TRIM27: variants seen among roughly 807,000 people sequenced by gnomAD.
The protein encoded by TRIM27 is tripartite motif containing 27.
A neutral mutation model predicts 57.6 loss-of-function variants in TRIM27; 12 were observed. That is an observed-to-expected ratio of 0.21 (90% CI 0.13 to 0.34). The LOEUF is 0.34. TRIM27 is among the 10% of genes least tolerant of loss of function. The pLI is 1.00. For missense variants in TRIM27, 403 were observed against 656.8 expected (o/e 0.61, Z 4.22); for synonymous variants, 266 against 259.0 (o/e 1.03, Z -0.26).
In TRIM27 at chr6:28,911,680, A is replaced by G; in HGVS notation, c.770+16T>C. Reference sequence around the variant, plus strand: ...TCTCATATTTGATTTAACACTAGGGAAACAGAAAACTATACCTGCTCAATG... The same window carrying G: ...TCTCATATTTGATTTAACACTAGGGGAACAGAAAACTATACCTGCTCAATG... On this transcript the variant is annotated intron_variant, in intron 4 of 7. Transcript: ENST00000377199. 6.2e-7 allele frequency: 1 copy of G among 1,610,720 alleles called. No homozygotes were observed. The highest frequency in any genetic ancestry group is 2.2e-5 in the East Asian group (1 of 44,836).
intron 1 of TRIM27, among the ~76,000 whole-genome samples, chr6:28,922,949 G>A (rs1178413626): frequency 6.6e-6 from 1 of 152,164 alleles, no homozygotes; most frequent in Admixed American, 6.5e-5. Context: ...GGATGTCTCC[G>A]TGTACAATGT....
intron 3 of TRIM27, among the ~76,000 whole-genome samples, chr6:28,912,038 G>C (rs888652442): frequency 6.6e-6 from 1 of 151,652 alleles, no homozygotes; most frequent in Non-Finnish European, 1.5e-5. Context: ...TGTCCAGCTT[G>C]CTTTCTTTTT....
At chr6:28,923,160 T>C in intron 1 of TRIM27, 53 bp downstream of exon 1, 1 of 1,480,244 alleles carries the variant, frequency 6.8e-7, no homozygotes, top group South Asian at 1.3e-5. Context: ...CCTTTGGCTC[T>C]CTCCTCCCTT....
intron 1 of TRIM27, among the ~76,000 whole-genome samples, 192 bp from the exon 2 acceptor site, chr6:28,922,179 T>A (rs1774095645): frequency 1.3e-5 from 2 of 152,170 alleles, no homozygotes; most frequent in African/African-American, 4.8e-5. Context: ...GCAATCTGTG[T>A]CTATCTTAGC....
intron 3 of TRIM27, among the ~76,000 whole-genome samples, chr6:28,919,268 C>G (rs979403127): frequency 2.0e-5 from 3 of 152,144 alleles, no homozygotes; most frequent in Admixed American, 6.5e-5. Flanking sequence ...CCTCGGCCCC[C>G]CAAAGTGCTG....
rs372330640 is a variant in TRIM27 at position 28,922,601 on chromosome 6, A to G, written c.420+612T>C. ...TTGAAGGTCACCTTACAACTGTTTT[A>G]TATGTAATACTTTGTTTCCACGTTT... On this transcript the variant is annotated intron_variant, in intron 1 of 7. Coordinates refer to ENST00000377199, the MANE Select transcript of TRIM27 (RefSeq NM_006510.5). Among the ~76,000 whole-genome samples, 19 of 152,340 alleles carry G rather than the reference A, an allele frequency of 1.2e-4. 1 individual carries two copies. The highest frequency in any genetic ancestry group is 4.3e-4 in the African/African-American group (18 of 41,592).
chr6:28,909,915 G>C (rs950282636), intron 4 of TRIM27, among the ~76,000 whole-genome samples: 1 of 152,094 alleles, frequency 6.6e-6, no homozygotes, highest in Admixed American at 6.6e-5. Flanking sequence ...ATGTGACCTT[G>C]TGACTAAGTT....
chr6:28,910,123 G>GC (rs71548401), intron 4 of TRIM27, among the ~76,000 whole-genome samples: 1 of 97,622 alleles, frequency 1.0e-5, no homozygotes. Flanking sequence ...AAAGAAAAAT[G>GC]AAAAAAAAAA....
In TRIM27 at chr6:28,903,978, C is replaced by A. The variant is rs1772578766; in HGVS notation, c.*92G>T. ...AAGGGCGTGGAACATGGTAAGGATA[C>A]CCAGCTGTGACAGGACGTGGCAAGG... On this transcript the variant is annotated 3_prime_UTR_variant, in exon 8 of 8. Transcript: ENST00000377199. 9.8e-7 allele frequency: 1 copy of A among 1,019,728 alleles called. No individual in the cohort carries two copies. The highest frequency in any genetic ancestry group is 2.4e-5 in the East Asian group (1 of 42,008). 63.2% of individuals were successfully genotyped at this position (1,019,728 alleles called of 1,614,324 possible).
At chr6:28,913,435 C>T (rs1052110296) in intron 3 of TRIM27, among the ~76,000 whole-genome samples, 1 of 151,704 alleles carries the variant, frequency 6.6e-6, no homozygotes, top group Non-Finnish European at 1.5e-5. Context: ...TCTCATCTCT[C>T]CTCCCTCTAC....
chr6:28,920,188 G>A lies in TRIM27; in HGVS notation c.571C>T (p.His191Tyr). The A allele has an allele frequency of 2.5e-6, 4 of 1,613,772 alleles. No individual in the cohort carries two copies. The highest frequency in any genetic ancestry group is 3.4e-6 in the Non-Finnish European group (4 of 1,179,714). The change falls in exon 3 of 8, where the codon CAC (histidine) becomes TAC (tyrosine). Residue 191 changes from histidine to tyrosine, a missense_variant. By Grantham distance (83) the His-to-Tyr change is moderately conservative. Transcript: ENST00000377199. ...KIVWEFEQLY[H>Y]SLKEHEYRLL... ...CGATACTCATGCTCCTTTAAGGAGT[G>A]ATACAGCTGCTCAAACTCCCAAACA...
chr6:28,907,300 G>A, intron 6 of TRIM27, 38 bp from the exon 7 acceptor site: 1 of 1,601,604 alleles, frequency 6.2e-7, no homozygotes, highest in Non-Finnish European at 8.5e-7. Context: ...GAAGTCATGA[G>A]GGTTTCCAGG....
chr6:28,911,393 C>T (rs1562159492), intron 4 of TRIM27: 1 of 330,974 alleles, frequency 3.0e-6, no homozygotes, highest in Non-Finnish European at 5.4e-6. Flanking sequence ...GTATAGGAAG[C>T]AATAGACATA....
intron 3 of TRIM27, among the ~76,000 whole-genome samples, chr6:28,914,619 G>T (rs1446771417): frequency 6.7e-6 from 1 of 148,720 alleles, no homozygotes; most frequent in Non-Finnish European, 1.5e-5. Flanking sequence ...TTACTTAATG[G>T]GTACAACGTA....
intron 3 of TRIM27, among the ~76,000 whole-genome samples, chr6:28,912,970 A>C (rs1427046619): frequency 2.0e-5 from 3 of 151,806 alleles, no homozygotes; most frequent in Admixed American, 2.0e-4. Context: ...TGGACTATAA[A>C]ATAGGCCAGG....
At chr6:28,919,652 G>C (rs1222503452) in intron 3 of TRIM27, among the ~76,000 whole-genome samples, 1 of 152,180 alleles carries the variant, frequency 6.6e-6, no homozygotes, top group Non-Finnish European at 1.5e-5. Flanking sequence ...GGAGTGAGGA[G>C]AGTCTTTGAA....
intron 2 of TRIM27, among the ~76,000 whole-genome samples, chr6:28,921,141 G>A (rs556350342): frequency 6.6e-6 from 1 of 152,318 alleles, no homozygotes; most frequent in Admixed American, 6.5e-5. Context: ...AGCACTTTGG[G>A]AGGCTGAGGT....
intron 4 of TRIM27, 24 bp from the exon 5 acceptor site, chr6:28,909,112 ATT>A (rs199893944): frequency 6.8e-4 from 849 of 1,251,358 alleles, no homozygotes; most frequent in Middle Eastern, 8.1e-4. Flanking sequence ...ACATGAGTAA[ATT>A]TTTTTTTTTT....
chr6:28,905,047 G>C (rs1772662432), intron 7 of TRIM27: 1 of 210,548 alleles, frequency 4.7e-6, no homozygotes, highest in African/African-American at 2.3e-5. Context: ...CAAGTAGCTG[G>C]GACCATAGGT....
Sources: allele counts gnomAD v4.1 joint callset (sites outside exome capture counted in the v4.1 genomes callset), GRCh38; gene constraint gnomAD v4.1.1; transcripts MANE v1.5; gene names NCBI Gene and HGNC (gene_info 2026-07-23, HGNC 2026-07-21).